The following FLVCR2 variants were observed in gnomAD, a reference collection of about 807,000 sequenced individuals.
The protein encoded by FLVCR2 is choline/ethanolamine transporter FLVCR2.
FLVCR2 carries 38 observed loss-of-function variants against 48.9 expected under a neutral mutation model. The ratio of observed to expected loss-of-function variants is 0.78; its 90% CI spans 0.60 to 1.02. FLVCR2 has a LOEUF of 1.02. Ranked by LOEUF, FLVCR2 falls within the 50% of genes least tolerant of loss-of-function variation. The probability of loss-of-function intolerance (pLI) is 0.00; values close to 1 mark genes in which losing one functional copy is unlikely to be tolerated. For synonymous variants in FLVCR2, 255 were observed against 257.0 expected, an observed-to-expected ratio of 0.99 and a Z score of 0.07; for missense variants, 664 against 663.3, an observed-to-expected ratio of 1.00 and a Z score of -0.01.
rs1166610360 is a variant in FLVCR2, at chr14:75,610,146, C to T, written c.670-11933C>T. 6.6e-5 allele frequency among the ~76,000 whole-genome samples: 10 copies of T among 152,274 alleles called. No individual in the cohort carries two copies. In the East Asian group the frequency reaches 1.7e-3, roughly 26 times the overall value. On this transcript the variant is annotated intron_variant, in intron 1 of 9. Transcript: ENST00000238667. Reference sequence around the variant, plus strand: ...CCACTCATTTTTCCTCCTTCCTAGCCGAGTCATGGGGAAGTTCTGTGACCA... The same window carrying T: ...CCACTCATTTTTCCTCCTTCCTAGCTGAGTCATGGGGAAGTTCTGTGACCA...
At chr14:75,589,014 A>G (rs1340290319) in intron 1 of FLVCR2, among the ~76,000 whole-genome samples, 1 of 152,044 alleles carries the variant, frequency 6.6e-6, no homozygotes, top group Admixed American at 6.6e-5. Context: ...CCACCTCTGA[A>G]CCTATGAAAT....
rs564576808 is a variant in FLVCR2, at chr14:75,613,276, C to T, written c.670-8803C>T. 2.7e-4 allele frequency among the ~76,000 whole-genome samples: 41 copies of T among 152,106 alleles called. No homozygotes were observed. The South Asian group carries it at 7.3e-3, about 27-fold the overall frequency. ...GTGCCAGCATCTGCTTGACTTCTGG[C>T]GGGGCCTTAGGAAGCTTCCAATCAT... On this transcript the variant is annotated intron_variant, in intron 1 of 9. Transcript: ENST00000238667.
At chr14:75,617,633 G>A (rs892897391) in intron 1 of FLVCR2, among the ~76,000 whole-genome samples, 2 of 152,144 alleles carry the variant, frequency 1.3e-5, no homozygotes, top group African/African-American at 2.4e-5. Flanking sequence ...AAATTGGGAC[G>A]ATGTTAGACC....
At chr14:75,594,286 C>T (rs1250914647) in intron 1 of FLVCR2, among the ~76,000 whole-genome samples, 9 of 152,156 alleles carry the variant, frequency 5.9e-5, no homozygotes. Context: ...TCTTAAAGTT[C>T]TTTTTTCATC....
At chr14:75,614,378 A>ATC (rs1889553041) in intron 1 of FLVCR2, among the ~76,000 whole-genome samples, 1 of 152,208 alleles carries the variant, frequency 6.6e-6, no homozygotes, top group South Asian at 2.1e-4. Context: ...TGTATTGAGT[A>ATC]AGCGCCAGAC....
At chr14:75,614,164 CTCAATGTATCTTTTATGAGGCTCT>C (rs1889544155) in intron 1 of FLVCR2, among the ~76,000 whole-genome samples, 1 of 152,196 alleles carries the variant, frequency 6.6e-6, no homozygotes, top group Non-Finnish European at 1.5e-5. Context: ...TAGATTGAAC[CTCAATGTATCTTTTATGAGGCTCT>C]TATTTTAAAA....
chr14:75,584,703 T>C (rs1159203020), intron 1 of FLVCR2, among the ~76,000 whole-genome samples: 1 of 152,162 alleles, frequency 6.6e-6, no homozygotes, highest in Non-Finnish European at 1.5e-5. Context: ...AGCCGGCAGT[T>C]ATCAGCGTGA....
intron 1 of FLVCR2, among the ~76,000 whole-genome samples, chr14:75,612,157 G>A (rs1003857723): frequency 2.0e-5 from 3 of 152,064 alleles, no homozygotes; most frequent in Non-Finnish European, 4.4e-5. Context: ...GATTCAAAGA[G>A]TATATATATT....
intron 1 of FLVCR2, among the ~76,000 whole-genome samples, chr14:75,609,520 C>T (rs1889383831): frequency 6.6e-6 from 1 of 152,120 alleles, no homozygotes; most frequent in South Asian, 2.1e-4. Flanking sequence ...TGTCTGGGAT[C>T]CTGAGGCAAG....
At chr14:75,617,632 C>T (rs1004185667) in intron 1 of FLVCR2, among the ~76,000 whole-genome samples, 12 of 152,066 alleles carry the variant, frequency 7.9e-5, no homozygotes, top group African/African-American at 1.2e-4. Context: ...AAAATTGGGA[C>T]GATGTTAGAC....
chr14:75,630,926 T>C (rs1198076599), intron 3 of FLVCR2, among the ~76,000 whole-genome samples: 1 of 152,142 alleles, frequency 6.6e-6, no homozygotes, highest in Admixed American at 6.5e-5. Flanking sequence ...TCACCTGTAC[T>C]CCTGTAAGGG....
At chr14:75,634,734 G>A (rs1013133937) in intron 4 of FLVCR2, among the ~76,000 whole-genome samples, 176 bp from the exon 5 acceptor site, 6 of 152,160 alleles carry the variant, frequency 3.9e-5, no homozygotes, top group Non-Finnish European at 8.8e-5. Context: ...TTATATTGTT[G>A]GGAGGAGTAG....
intron 3 of FLVCR2, among the ~76,000 whole-genome samples, chr14:75,631,018 G>A (rs1006055609): frequency 1.4e-4 from 22 of 152,318 alleles, no homozygotes; most frequent in African/African-American, 5.3e-4. Flanking sequence ...GCAGTAGAGT[G>A]GACTTACGCT....
At chr14:75,617,778 G>A (rs916618518) in intron 1 of FLVCR2, among the ~76,000 whole-genome samples, 1 of 152,142 alleles carries the variant, frequency 6.6e-6, no homozygotes, top group Non-Finnish European at 1.5e-5. Context: ...TAATCTGGTT[G>A]GGAAGACAGA....
At chr14:75,608,724 C>G (rs987386753) in intron 1 of FLVCR2, among the ~76,000 whole-genome samples, 2 of 152,162 alleles carry the variant, frequency 1.3e-5, no homozygotes, top group Admixed American at 1.3e-4. Context: ...AGTTTCCGTT[C>G]GACAAGCTTC....
intron 2 of FLVCR2, among the ~76,000 whole-genome samples, chr14:75,624,141 C>T (rs1263188657): frequency 2.0e-5 from 3 of 151,920 alleles, no homozygotes; most frequent in Admixed American, 6.6e-5. Flanking sequence ...GCATGCAAAT[C>T]GCTTGAGCTC....
intron 9 of FLVCR2, among the ~76,000 whole-genome samples, chr14:75,645,633 C>A (rs1476437826): frequency 2.6e-5 from 4 of 152,130 alleles, no homozygotes; most frequent in Non-Finnish European, 5.9e-5. Context: ...GATAGTATTC[C>A]TCAGCTGGGC....
chr14:75,579,905 C>G (rs925022959), intron 1 of FLVCR2, among the ~76,000 whole-genome samples: 2 of 152,228 alleles, frequency 1.3e-5, no homozygotes, highest in Admixed American at 6.5e-5. Context: ...GTGTCGTTCT[C>G]GAACCTGTGT....
At chr14:75,623,014 C>T (rs1001445148) in intron 2 of FLVCR2, among the ~76,000 whole-genome samples, 4 of 152,134 alleles carry the variant, frequency 2.6e-5, no homozygotes, top group African/African-American at 7.2e-5. Flanking sequence ...TGGAGTCTTG[C>T]TCTGTCACCC....
Sources: allele counts gnomAD v4.1 joint callset (sites outside exome capture counted in the v4.1 genomes callset), GRCh38; gene constraint gnomAD v4.1.1; transcripts MANE v1.5; gene names NCBI Gene and HGNC (gene_info 2026-07-23, HGNC 2026-07-21).